EPB41L5: variants seen among roughly 807,000 people sequenced by gnomAD.
EPB41L5 encodes erythrocyte membrane protein band 4.1 like 5.
In EPB41L5, 55 loss-of-function variants were observed where a neutral mutation model predicts 106.6. That is an observed-to-expected ratio of 0.52 (90% CI 0.42 to 0.65). The LOEUF (loss-of-function observed/expected upper bound fraction) is 0.65. EPB41L5 is among the 30% of genes least tolerant of loss of function. The pLI, the probability that EPB41L5 is intolerant of heterozygous loss-of-function variation, is 0.00. For missense variants in EPB41L5, 871 were observed against 882.1 expected (o/e 0.99, Z 0.16); for synonymous variants, 297 against 306.7 (o/e 0.97, Z 0.33).
At chr2:120,042,201 T>C (rs1164572307) in intron 3 of EPB41L5, 91 bp downstream of exon 3, 1 of 942,960 alleles carries the variant, frequency 1.1e-6, no homozygotes, top group African/African-American at 1.6e-5. Flanking sequence ...TTCCTATTCT[T>C]GATGTGTTAT....
Position 120,091,313 on chromosome 2 carries a change from T to C in EPB41L5, c.1044-242T>C, listed in dbSNP as rs1160783618. Among the ~76,000 whole-genome samples the C allele has an allele frequency of 2.6e-5, 4 of 152,176 alleles. No individual in the cohort carries two copies. In the South Asian group the frequency reaches 8.3e-4, roughly 32 times the overall value. ...GGACAGATATTTCAAACTTATTTAA[T>C]GTGTACTTAGGTGATATGCATGCAT... On this transcript the variant is annotated intron_variant, in intron 12 of 24. Coordinates refer to ENST00000263713, the MANE Select transcript of EPB41L5 (RefSeq NM_020909.4).
At chr2:120,068,824 G>A (rs1202738433) in intron 3 of EPB41L5, among the ~76,000 whole-genome samples, 1 of 95,274 alleles carries the variant, frequency 1.0e-5, no homozygotes, top group African/African-American at 2.8e-5. Flanking sequence ...CAATTGGAAC[G>A]TTAAAAAAAA....
rs539813602 is a variant in EPB41L5, at chr2:120,069,128, C to CA, written c.286-4011dup. Reference sequence around the variant, plus strand: ...GGGCAACAAGAGTGAAACTCTGTCTCAAAAAAAAAAAAAAAAAAAAAAAAA... The same window carrying CA: ...GGGCAACAAGAGTGAAACTCTGTCTCAAAAAAAAAAAAAAAAAAAAAAAAAA... On this transcript the variant is annotated intron_variant, in intron 3 of 24. Coordinates refer to ENST00000263713, the MANE Select transcript of EPB41L5 (RefSeq NM_020909.4). Among the ~76,000 whole-genome samples the CA allele has an allele frequency of 9.7e-4, 77 of 79,544 alleles. 6 individuals carry two copies. The highest frequency in any genetic ancestry group is 1.5e-3 in the East Asian group (4 of 2,718). The allele number at this position is 79,544 out of a possible 152,430, so 52.2% of individuals were successfully genotyped here.
rs1374270351 is a variant in EPB41L5 at position 120,175,580 on chromosome 2, A to T, written c.*673A>T. ...GAGAAGAACTACGGAGAAATCAAAT[A>T]AAATCCTGTCATATTTTTTTCACCC... On this transcript the variant is annotated 3_prime_UTR_variant, in exon 25 of 25. Transcript: ENST00000263713. 1 of 152,184 alleles carries T rather than the reference A, an allele frequency of 6.6e-6. No individual in the cohort carries two copies. Among genetic ancestry groups the T allele is most frequent in the African/African-American group, 2.4e-5 (1 of 41,438 alleles). The allele number at this position is 152,184 out of a possible 1,614,324, so 9.4% of individuals were successfully genotyped here.
At chr2:120,149,892 C>CTT (rs34014223) in intron 20 of EPB41L5, among the ~76,000 whole-genome samples, 3,185 of 110,870 alleles carry the variant, frequency 0.029, 106 homozygotes, top group Non-Finnish European at 0.034. Flanking sequence ...TTTCACTGTA[C>CTT]TTTTTTTTTT....
chr2:120,107,042 A>G (rs1684495336), intron 16 of EPB41L5: 2 of 493,762 alleles, frequency 4.1e-6, no homozygotes, highest in Non-Finnish European at 5.2e-6. Context: ...TGGCCAAAAA[A>G]TGTTATTTAT....
intron 3 of EPB41L5, among the ~76,000 whole-genome samples, chr2:120,050,906 A>C (rs1429249088): frequency 6.6e-6 from 1 of 152,088 alleles, no homozygotes; most frequent in Non-Finnish European, 1.5e-5. Context: ...GGTCTGTTGG[A>C]GTTTGCTGGA....
intron 2 of EPB41L5, 124 bp from the exon 3 acceptor site, chr2:120,041,882 A>G: frequency 3.4e-6 from 2 of 587,230 alleles, no homozygotes; most frequent in Non-Finnish European, 5.9e-6. Flanking sequence ...GCCACATGCT[A>G]ATACTTTTGG....
intron 18 of EPB41L5, 71 bp downstream of exon 18, chr2:120,131,786 A>G (rs1574728625): frequency 1.7e-6 from 2 of 1,166,050 alleles, no homozygotes; most frequent in East Asian, 4.7e-5. Context: ...CTTTCCAAAG[A>G]CAGTACTTTC....
At chr2:120,152,094 T>C (rs544884852) in intron 20 of EPB41L5, among the ~76,000 whole-genome samples, 1 of 152,358 alleles carries the variant, frequency 6.6e-6, no homozygotes, top group Non-Finnish European at 1.5e-5. Flanking sequence ...GACATTCTTA[T>C]TTTATTCCTG....
Position 120,087,217 on chromosome 2 carries a change from G to A in EPB41L5, c.850G>A (p.Val284Met). The change falls in exon 11 of 25, where the codon GTG becomes ATG. Residue 284 changes from valine (V) to methionine (M), a missense_variant. Coordinates refer to ENST00000263713, the MANE Select transcript of EPB41L5 (RefSeq NM_020909.4). ...TTTTAAGAAGAATAAATTAACCTTGGTGGTTGTAGAAGATGATGATCAGGT... is the reference window on the plus strand; with the variant it reads ...TTTTAAGAAGAATAAATTAACCTTGATGGTTGTAGAAGATGATGATCAGGT... ...LDFKKNKLTL[V>M]VVEDDDQGKE... 1 of 1,584,574 alleles carries A rather than the reference G, an allele frequency of 6.3e-7. No individual in the cohort carries two copies. The highest frequency in any genetic ancestry group is 8.7e-7 in the Non-Finnish European group (1 of 1,154,304).
At chr2:120,018,027 T>G (rs1677650971) in intron 1 of EPB41L5, among the ~76,000 whole-genome samples, 2 of 150,670 alleles carry the variant, frequency 1.3e-5, no homozygotes, top group African/African-American at 4.9e-5. Flanking sequence ...CGTGGCGCCA[T>G]CTCGGCTCAC....
At position 120,040,572 on chromosome 2, in the gene EPB41L5, C is replaced by A. The variant is rs957561770; in HGVS notation, c.181-1434C>A. Among the ~76,000 whole-genome samples the A allele has an allele frequency of 5.3e-5, 8 of 152,104 alleles. 1 individual carries two copies. The highest frequency in any genetic ancestry group is 3.9e-4 in the Admixed American group (6 of 15,274). On this transcript the variant is annotated intron_variant, in intron 2 of 24. Coordinates refer to ENST00000263713, the MANE Select transcript of EPB41L5 (RefSeq NM_020909.4). ...ATGGGAAACATTTTTGGAGAAAGAACTCAAATGAGTATTTGCAAATCTAGC... is the reference window on the plus strand; with the variant it reads ...ATGGGAAACATTTTTGGAGAAAGAAATCAAATGAGTATTTGCAAATCTAGC...
chr2:120,171,005 T>C (rs1422331515), intron 24 of EPB41L5, among the ~76,000 whole-genome samples: 3 of 152,220 alleles, frequency 2.0e-5, no homozygotes, highest in South Asian at 2.1e-4. Context: ...ATAGATGTTA[T>C]AGTAATTTTT....
chr2:120,058,664 G>A (rs1680825111), intron 3 of EPB41L5, among the ~76,000 whole-genome samples: 1 of 152,202 alleles, frequency 6.6e-6, no homozygotes, highest in Non-Finnish European at 1.5e-5. Flanking sequence ...CCAGGCATTT[G>A]CTGTTAAATA....
In EPB41L5 at chr2:120,110,448, A is replaced by G. The variant is rs373337409; in HGVS notation, c.1337+9634A>G. Among the ~76,000 whole-genome samples, 12 of 152,284 alleles carry G rather than the reference A, an allele frequency of 7.9e-5. No homozygotes were observed. In the East Asian group the frequency reaches 1.5e-3, roughly 20 times the overall value. On this transcript the variant is annotated intron_variant, in intron 16 of 24. Transcript: ENST00000263713. ...ATACACACTGGCAATTTCTCAGTTT[A>G]TATCATCACCCTGAACTTTTAAATT...
chr2:120,167,570 T>TA, intron 23 of EPB41L5, 63 bp downstream of exon 23: 1 of 1,503,854 alleles, frequency 6.6e-7, no homozygotes. Flanking sequence ...CCTAAAGGAT[T>TA]ACTAGGTTCT....
At chr2:120,147,219 C>A (rs1686443490) in intron 20 of EPB41L5, among the ~76,000 whole-genome samples, 1 of 152,084 alleles carries the variant, frequency 6.6e-6, no homozygotes, top group Non-Finnish European at 1.5e-5. Flanking sequence ...GCATGGTGAT[C>A]CACGCTGTAG....
At chr2:120,033,143 C>T (rs543738665) in intron 2 of EPB41L5, among the ~76,000 whole-genome samples, 3 of 151,964 alleles carry the variant, frequency 2.0e-5, no homozygotes, top group African/African-American at 4.8e-5. Flanking sequence ...ATTCACTCAC[C>T]CAGAATAAGT....
Sources: gnomAD v4.1 joint callset for allele counts (sites outside exome capture counted in the v4.1 genomes callset) on GRCh38, gnomAD v4.1.1 for gene constraint, MANE v1.5 for transcripts, NCBI Gene and HGNC (gene_info 2026-07-23, HGNC 2026-07-21) for gene names.